The following ATOSB variants were observed in gnomAD, a reference collection of about 807,000 sequenced individuals.
ATOSB encodes the protein atos homolog protein B.
chr9:35,107,346 A>T, the ATOSB span: 1 of 1,567,834 alleles, frequency 6.4e-7, no homozygotes, highest in Non-Finnish European at 8.6e-7. Flanking sequence ...AAAAAAAAGT[A>T]AAAAAAGAGT....
chr9:35,105,415 G>C, the ATOSB span: 5 of 1,576,940 alleles, frequency 3.2e-6, no homozygotes, highest in African/African-American at 4.0e-5. The surrounding 1 kb of genome is among the most constrained non-coding windows in gnomAD (Gnocchi z 5.5). Flanking sequence ...ATCCAGGCTG[G>C]GTTCAGTGGC....
the ATOSB span, chr9:35,107,864 A>C: frequency 6.3e-7 from 1 of 1,595,538 alleles, no homozygotes; most frequent in Non-Finnish European, 8.5e-7. Flanking sequence ...AGGCCCCCGA[A>C]GTCCAAGATG....
the ATOSB span, chr9:35,108,128 C>A: frequency 1.9e-6 from 3 of 1,569,088 alleles, no homozygotes; most frequent in African/African-American, 4.1e-5. Context: ...AGATGGATAC[C>A]TGGTAGACCC....
chr9:35,106,792 C>A, the ATOSB span: 7 of 1,549,890 alleles, frequency 4.5e-6, no homozygotes, highest in Non-Finnish European at 6.1e-6. The surrounding 1 kb of genome is among the most constrained non-coding windows in gnomAD (Gnocchi z 4.6). Flanking sequence ...CTTCTGCCCC[C>A]ATTCTCAGGG....
the ATOSB span, chr9:35,105,038 G>C: frequency 1.7e-6 from 1 of 601,916 alleles, no homozygotes; most frequent in South Asian, 3.0e-5. This position sits in a 1 kb window ranked among gnomAD's most constrained non-coding sequence, Gnocchi z 5.5. Context: ...TGGAGTACCC[G>C]AAGTAGGGCA....
At chr9:35,113,060 A>G in the ATOSB span, among the ~76,000 whole-genome samples, 1 of 152,202 alleles carries the variant, frequency 6.6e-6, no homozygotes, top group East Asian at 1.9e-4. Context: ...TGTAAGGAAC[A>G]GGGTTAAGGA....
the ATOSB span, chr9:35,106,623 C>T: frequency 1.0e-5 from 16 of 1,555,822 alleles, no homozygotes; most frequent in South Asian, 1.4e-4. The surrounding 1 kb of genome is among the most constrained non-coding windows in gnomAD (Gnocchi z 4.6). Context: ...TGGCCCCTTC[C>T]GGAGGCTTCG....
At chr9:35,108,017 C>T in the ATOSB span, 5 of 1,555,958 alleles carry the variant, frequency 3.2e-6, no homozygotes, top group East Asian at 4.5e-5. Context: ...CCTCTCTGGC[C>T]CCCAGCCCAG....
At chr9:35,105,458 C>T in the ATOSB span, 10 of 1,496,088 alleles carry the variant, frequency 6.7e-6, no homozygotes, top group Non-Finnish European at 9.0e-6. The surrounding 1 kb of genome is among the most constrained non-coding windows in gnomAD (Gnocchi z 5.5). Flanking sequence ...TTGGGAGACC[C>T]AGGTGGGAGG....
the ATOSB span, chr9:35,105,981 C>T: frequency 1.2e-6 from 2 of 1,613,912 alleles, no homozygotes; most frequent in African/African-American, 2.7e-5. This position sits in a 1 kb window ranked among gnomAD's most constrained non-coding sequence, Gnocchi z 5.5. Context: ...GTAACCCTTC[C>T]TCCCCAAGGG....
At chr9:35,115,914 GCCCCGC>G in the ATOSB span, 2 of 152,358 alleles carry the variant, frequency 1.3e-5, no homozygotes, top group African/African-American at 2.4e-5. Flanking sequence ...TTCAGTCTGA[GCCCCGC>G]CCCCGCAACG....
chr9:35,105,848 T>C, the ATOSB span: 1 of 1,614,062 alleles, frequency 6.2e-7, no homozygotes, highest in Non-Finnish European at 8.5e-7. This position sits in a 1 kb window ranked among gnomAD's most constrained non-coding sequence, Gnocchi z 5.5. Context: ...TGGTTGGGGT[T>C]AAATAAGGTC....
chr9:35,111,014 T>C, the ATOSB span: 1 of 152,412 alleles, frequency 6.6e-6, no homozygotes, highest in Non-Finnish European at 1.5e-5. Context: ...AAGGTCGACT[T>C]CTTCTCTCTT....
chr9:35,104,924 C>T, the ATOSB span: 12 of 278,684 alleles, frequency 4.3e-5, no homozygotes, highest in East Asian at 4.2e-4. Context: ...AGGGAGGCAA[C>T]GCTGGCATAA....
At chr9:35,106,426 G>C in the ATOSB span, 1 of 1,614,110 alleles carries the variant, frequency 6.2e-7, no homozygotes, top group Non-Finnish European at 8.5e-7. This position sits in a 1 kb window ranked among gnomAD's most constrained non-coding sequence, Gnocchi z 4.6. Context: ...ATTAGGGTAG[G>C]GAAAACACAT....
chr9:35,116,279 A>G, the ATOSB span: 1 of 152,264 alleles, frequency 6.6e-6, no homozygotes, highest in East Asian at 1.9e-4. Flanking sequence ...GTCGCACTCC[A>G]ACCAGGATCC....
chr9:35,108,480 T>C, the ATOSB span: 1 of 1,314,452 alleles, frequency 7.6e-7, no homozygotes, highest in Non-Finnish European at 9.9e-7. Context: ...TGTGTACAAA[T>C]CCCTGGATGG....
chr9:35,107,716 CA>C, the ATOSB span: 1 of 1,600,884 alleles, frequency 6.2e-7, no homozygotes, highest in Non-Finnish European at 8.5e-7. Context: ...AAATCAGTGT[CA>C]AGTGTGTGCA....
At chr9:35,116,267 C>CG in the ATOSB span, 1 of 152,348 alleles carries the variant, frequency 6.6e-6, no homozygotes, top group East Asian at 1.9e-4. Context: ...CTCACCCGGG[C>CG]GGTCGCACTC....
Sources: gnomAD v4.1 joint callset for allele counts (sites outside exome capture counted in the v4.1 genomes callset) on GRCh38, gnomAD v4.1.1 for gene constraint, Gnocchi (gnomAD v3.1) non-coding constraint, MANE v1.5 for transcripts, NCBI Gene and HGNC (gene_info 2026-07-23, HGNC 2026-07-21) for gene names.